The following NRG3 variants were observed in gnomAD, a reference collection of about 807,000 sequenced individuals.
NRG3 encodes neuregulin 3.
Under a neutral mutation model 66.9 loss-of-function variants are expected in NRG3, and 31 were observed. That is an observed-to-expected ratio of 0.46 (90% confidence interval 0.35 to 0.63). The LOEUF is 0.63. Among genes scored for constraint, NRG3 ranks in the 20% least tolerant of loss-of-function variants. The probability of loss-of-function intolerance (pLI) is 0.00; values close to 1 mark genes in which losing one functional copy is unlikely to be tolerated. For missense variants in NRG3, 910 were observed against 878.9 expected, an observed-to-expected ratio of 1.04 and a Z score of -0.45; for synonymous variants, 393 against 359.4, an observed-to-expected ratio of 1.09 and a Z score of -1.06.
At chr10:82,216,664 A>G (rs1010085136) in intron 1 of NRG3, among the ~76,000 whole-genome samples, 2 of 151,266 alleles carry the variant, frequency 1.3e-5, no homozygotes, top group African/African-American at 4.9e-5. Flanking sequence ...ATATGTATTC[A>G]TGTATTTTTA....
intron 3 of NRG3, among the ~76,000 whole-genome samples, chr10:82,810,422 A>C (rs2135498313): frequency 6.6e-6 from 1 of 152,274 alleles, no homozygotes; most frequent in African/African-American, 2.4e-5. Flanking sequence ...ATTTTTGCTT[A>C]AAATGGACTG....
At chr10:82,042,241 A>G (rs1423494363) in intron 1 of NRG3, among the ~76,000 whole-genome samples, 1 of 151,996 alleles carries the variant, frequency 6.6e-6, no homozygotes, top group African/African-American at 2.4e-5. Flanking sequence ...TTTAAATTGG[A>G]TATTATTTGT....
intron 2 of NRG3, among the ~76,000 whole-genome samples, chr10:82,473,465 A>G (rs1334167446): frequency 6.6e-6 from 1 of 152,206 alleles, no homozygotes; most frequent in Admixed American, 6.5e-5. Flanking sequence ...ATGAAAACAA[A>G]CAAACAAACC....
chr10:82,211,063 G>A (rs550254911), intron 1 of NRG3, among the ~76,000 whole-genome samples: 302 of 152,218 alleles, frequency 2.0e-3, no homozygotes, highest in African/African-American at 6.6e-3. Context: ...CTTGATAAAT[G>A]TTAATATTTA....
At chr10:82,170,031 A>T (rs1302971559) in intron 1 of NRG3, among the ~76,000 whole-genome samples, 2 of 150,852 alleles carry the variant, frequency 1.3e-5, no homozygotes, top group African/African-American at 4.9e-5. Context: ...ATCTATGGAT[A>T]TGAGATATTT....
At position 82,229,342 on chromosome 10, in the gene NRG3, A is replaced by G. The variant is rs188227084; in HGVS notation, c.824-129397A>G. ...TGTATTACTAAATTAAGCAATAGAC[A>G]TTAACAAAACAATAACTTCTTTGAA... On this transcript the variant is annotated intron_variant, in intron 1 of 8. Coordinates refer to ENST00000372141, the MANE Select transcript of NRG3 (RefSeq NM_001010848.4). 4.8e-4 allele frequency among the ~76,000 whole-genome samples: 73 copies of G among 152,382 alleles called. No individual in the cohort carries two copies. In the East Asian group the frequency reaches 0.013, roughly 28 times the overall value.
chr10:82,422,097 T>G (rs1442856093), intron 2 of NRG3, among the ~76,000 whole-genome samples: 1 of 152,102 alleles, frequency 6.6e-6, no homozygotes, highest in Non-Finnish European at 1.5e-5. Context: ...CTTGGCCTCA[T>G]CCATTGATTG....
chr10:82,249,457 G>A (rs924734653), intron 1 of NRG3, among the ~76,000 whole-genome samples: 3 of 152,182 alleles, frequency 2.0e-5, no homozygotes, highest in African/African-American at 7.2e-5. Flanking sequence ...TTAGGATTTA[G>A]ATGTTGTTTA....
At chr10:82,859,882 G>A (rs1453135804) in intron 3 of NRG3, among the ~76,000 whole-genome samples, 1 of 152,002 alleles carries the variant, frequency 6.6e-6, no homozygotes. Context: ...ATTAAAAAAT[G>A]TGGGCTTCAA....
intron 1 of NRG3, among the ~76,000 whole-genome samples, chr10:81,956,075 T>A (rs1849805467): frequency 6.6e-6 from 1 of 152,238 alleles, no homozygotes; most frequent in Non-Finnish European, 1.5e-5. Flanking sequence ...TCTTACAGTG[T>A]AACTTTGGTA....
At chr10:82,053,438 A>G (rs943024438) in intron 1 of NRG3, among the ~76,000 whole-genome samples, 1 of 152,174 alleles carries the variant, frequency 6.6e-6, no homozygotes, top group African/African-American at 2.4e-5. Flanking sequence ...TAAGAGCAGA[A>G]AGAGACTGAG....
At chr10:82,139,181 T>C (rs1896509) in intron 1 of NRG3, among the ~76,000 whole-genome samples, 16,283 of 152,134 alleles carry the variant, frequency 0.11, 1,000 homozygotes, top group South Asian at 0.15. Context: ...CTAGGTTGCA[T>C]ATACAGCCTC....
At chr10:82,918,725 G>A (rs537119854) in intron 4 of NRG3, among the ~76,000 whole-genome samples, 3 of 152,056 alleles carry the variant, frequency 2.0e-5, no homozygotes, top group Non-Finnish European at 2.9e-5. Context: ...GATATCCATC[G>A]GTTATTTATT....
intron 1 of NRG3, among the ~76,000 whole-genome samples, chr10:82,204,057 G>T (rs766365093): frequency 1.3e-5 from 2 of 151,962 alleles, no homozygotes; most frequent in South Asian, 2.1e-4. Flanking sequence ...AACTCTTTAA[G>T]GTATCATTTT....
chr10:82,784,033 G>A (rs1251092037), intron 3 of NRG3, among the ~76,000 whole-genome samples: 1 of 151,864 alleles, frequency 6.6e-6, no homozygotes, highest in Admixed American at 6.6e-5. Flanking sequence ...GAACAGAACA[G>A]AGCCCTCAGA....
intron 1 of NRG3, among the ~76,000 whole-genome samples, chr10:81,978,931 C>A (rs2060225676): frequency 6.6e-6 from 1 of 152,100 alleles, no homozygotes; most frequent in Middle Eastern, 3.2e-3. Context: ...TGGCTCATGC[C>A]TGTAATCCCA....
chr10:82,327,326 A>G (rs553946236), intron 1 of NRG3, among the ~76,000 whole-genome samples: 47 of 152,344 alleles, frequency 3.1e-4, no homozygotes, highest in Admixed American at 1.2e-3. Context: ...ACATGGTACC[A>G]GATTTTTCTG....
intron 2 of NRG3, among the ~76,000 whole-genome samples, chr10:82,650,812 G>A (rs1274038816): frequency 1.3e-5 from 2 of 152,144 alleles, no homozygotes; most frequent in African/African-American, 4.8e-5. Flanking sequence ...AGATTCAGTA[G>A]TCATTTAGCT....
At chr10:82,345,361 A>T (rs1354654439) in intron 1 of NRG3, among the ~76,000 whole-genome samples, 1 of 150,332 alleles carries the variant, frequency 6.7e-6, no homozygotes, top group East Asian at 2.0e-4. Flanking sequence ...TTTGTCAAAG[A>T]TCAGATAGTT....
Sources: gnomAD v4.1 joint callset for allele counts (sites outside exome capture counted in the v4.1 genomes callset) on GRCh38, gnomAD v4.1.1 for gene constraint, MANE v1.5 for transcripts, NCBI Gene and HGNC (gene_info 2026-07-23, HGNC 2026-07-21) for gene names.